The following DAB1 variants were observed in gnomAD, a reference collection of about 807,000 sequenced individuals.
DAB1 encodes disabled homolog 1.
DAB1 carries 15 observed loss-of-function variants against 64.6 expected under a neutral mutation model. The ratio of observed to expected loss-of-function variants is 0.23; its 90% CI spans 0.16 to 0.36. The LOEUF (loss-of-function observed/expected upper bound fraction) is 0.36, where lower values mean the gene tolerates loss of function less well. Ranked by LOEUF, DAB1 falls within the 10% of genes least tolerant of loss-of-function variation. The probability of loss-of-function intolerance (pLI) is 1.00; values close to 1 mark genes in which losing one functional copy is unlikely to be tolerated. For synonymous variants in DAB1, 235 were observed against 251.9 expected (o/e 0.93, Z 0.64); for missense variants, 596 against 706.7 (o/e 0.84, Z 1.78).
intron 7 of DAB1, among the ~76,000 whole-genome samples, chr1:57,494,645 T>C (rs1330400917): frequency 2.0e-5 from 3 of 152,206 alleles, no homozygotes; most frequent in African/African-American, 7.2e-5. Context: ...TTTTATCATT[T>C]TACATCCTTT....
chr1:58,342,495 A>G (rs952043057), intron 4 of DAB1, among the ~76,000 whole-genome samples: 2 of 152,150 alleles, frequency 1.3e-5, no homozygotes, highest in African/African-American at 4.8e-5. Flanking sequence ...ACAGCAACAT[A>G]ACTATTATCC....
chr1:57,939,331 C>T (rs1314541226), intron 5 of DAB1, among the ~76,000 whole-genome samples: 2 of 152,160 alleles, frequency 1.3e-5, no homozygotes, highest in Non-Finnish European at 2.9e-5. Flanking sequence ...GAGATGTAGG[C>T]TTCAATATAC....
chr1:58,220,328 G>T (rs1420689233), intron 4 of DAB1, among the ~76,000 whole-genome samples: 11 of 152,114 alleles, frequency 7.2e-5, no homozygotes, highest in Admixed American at 2.6e-4. Context: ...TAATTTGTGG[G>T]ATCCAAGCAC....
intron 7 of DAB1, among the ~76,000 whole-genome samples, chr1:57,604,816 G>T (rs1385963625): frequency 6.6e-6 from 1 of 152,166 alleles, no homozygotes; most frequent in African/African-American, 2.4e-5. Context: ...TAACTGAACT[G>T]TTGCATGTTC....
At chr1:57,390,243 C>T (rs1682233069) in intron 1 of DAB1, among the ~76,000 whole-genome samples, 1 of 152,202 alleles carries the variant, frequency 6.6e-6, no homozygotes, top group South Asian at 2.1e-4. Context: ...AATCAGAAGA[C>T]CTGATGGGAT....
intron 6 of DAB1, among the ~76,000 whole-genome samples, chr1:57,805,149 C>T (rs1220720956): frequency 6.6e-6 from 1 of 152,172 alleles, no homozygotes; most frequent in Non-Finnish European, 1.5e-5. Context: ...AGGATTAACC[C>T]TCTACATGCT....
chr1:57,246,217 A>C (rs1381034736), intron 2 of DAB1, among the ~76,000 whole-genome samples: 1 of 152,200 alleles, frequency 6.6e-6, no homozygotes, highest in Non-Finnish European at 1.5e-5. Flanking sequence ...ACAGGCCTAG[A>C]GGCCTGAGGG....
intron 10 of DAB1, among the ~76,000 whole-genome samples, chr1:57,025,317 G>A (rs1393622793): frequency 1.3e-5 from 2 of 152,192 alleles, no homozygotes; most frequent in African/African-American, 2.4e-5. Flanking sequence ...GGTTCTCCCT[G>A]CAATCTCTGT....
intron 3 of DAB1, among the ~76,000 whole-genome samples, chr1:58,367,538 G>C (rs1269974304): frequency 6.6e-6 from 1 of 152,180 alleles, no homozygotes; most frequent in Non-Finnish European, 1.5e-5. Flanking sequence ...AAACAGCAGA[G>C]ACCAAATCTG....
At position 57,989,029 on chromosome 1, in the gene DAB1, G is replaced by A. The variant is rs150540315; in HGVS notation, n.388-104867C>T. Among the ~76,000 whole-genome samples, 95 of 152,196 alleles carry A rather than the reference G, an allele frequency of 6.2e-4. 1 individual carries two copies. Among genetic ancestry groups the A allele is most frequent in the African/African-American group, 2.2e-3 (93 of 41,528 alleles). On this transcript the variant is annotated intron_variant and non_coding_transcript_variant, in intron 5 of 20. Coordinates refer to the DAB1 transcript ENST00000485760. ...TGAAGTCTACAGCCCTCCCCTCTGCGAGGAGAGCACAGACTTGAAGTCAAG... is the reference window on the plus strand; with the variant it reads ...TGAAGTCTACAGCCCTCCCCTCTGCAAGGAGAGCACAGACTTGAAGTCAAG...
At chr1:58,542,910 A>T (rs1284219623) in intron 1 of DAB1, among the ~76,000 whole-genome samples, 4 of 152,228 alleles carry the variant, frequency 2.6e-5, no homozygotes, top group Non-Finnish European at 5.9e-5. Flanking sequence ...ATATAAGGGC[A>T]TGTGTAAGTT....
intron 7 of DAB1, among the ~76,000 whole-genome samples, chr1:57,573,432 T>C (rs1478486030): frequency 1.3e-5 from 2 of 152,190 alleles, no homozygotes; most frequent in African/African-American, 4.8e-5. Context: ...ACTTTGATAC[T>C]GAGTCAGAAT....
intron 7 of DAB1, among the ~76,000 whole-genome samples, chr1:57,506,047 C>A (rs966493040): frequency 6.6e-6 from 1 of 152,180 alleles, no homozygotes; most frequent in Non-Finnish European, 1.5e-5. Flanking sequence ...TTTTTTCATT[C>A]TGCCTTTGCT....
At chr1:58,000,685 C>T (rs1399623673) in intron 5 of DAB1, among the ~76,000 whole-genome samples, 1 of 150,704 alleles carries the variant, frequency 6.6e-6, no homozygotes, top group African/African-American at 2.4e-5. Context: ...ATTCTTGTGC[C>T]TCAGCCTCCT....
intron 7 of DAB1, among the ~76,000 whole-genome samples, chr1:57,632,087 A>T (rs1645997007): frequency 6.6e-6 from 1 of 152,234 alleles, no homozygotes; most frequent in Non-Finnish European, 1.5e-5. Flanking sequence ...GGATTTAGGG[A>T]GGCCAGGGAC....
At chr1:58,336,596 T>C (rs559745058) in intron 4 of DAB1, among the ~76,000 whole-genome samples, 3 of 152,278 alleles carry the variant, frequency 2.0e-5, no homozygotes, top group African/African-American at 7.2e-5. Context: ...AAATTAACAC[T>C]TAACTCTATT....
chr1:57,203,988 C>G (rs966119063), intron 2 of DAB1, among the ~76,000 whole-genome samples: 1 of 152,094 alleles, frequency 6.6e-6, no homozygotes, highest in Non-Finnish European at 1.5e-5. Flanking sequence ...CTCCCAGGTT[C>G]AAGAGATTCT....
chr1:58,287,545 A>G (rs978974277), intron 4 of DAB1, among the ~76,000 whole-genome samples: 6 of 151,204 alleles, frequency 4.0e-5, no homozygotes, highest in Admixed American at 6.7e-5. Flanking sequence ...AGGAAGGGTC[A>G]TCAACTAGGC....
chr1:57,152,600 T>C (rs1659798737), intron 2 of DAB1, among the ~76,000 whole-genome samples: 1 of 152,252 alleles, frequency 6.6e-6, no homozygotes, highest in Non-Finnish European at 1.5e-5. Flanking sequence ...ACCTATGTGA[T>C]GTCACTTGCC....
Sources: gnomAD v4.1 joint callset for allele counts (sites outside exome capture counted in the v4.1 genomes callset) on GRCh38, gnomAD v4.1.1 for gene constraint, MANE v1.5 for transcripts, NCBI Gene and HGNC (gene_info 2026-07-23, HGNC 2026-07-21) for gene names.